The following CUEDC1 variants were observed in gnomAD, a reference collection of about 807,000 sequenced individuals.
CUEDC1 encodes CUE domain containing 1.
A neutral mutation model predicts 43.7 loss-of-function variants in CUEDC1; 30 were observed. The ratio of observed to expected loss-of-function variants is 0.69; its 90% CI spans 0.51 to 0.93. The LOEUF is 0.93. CUEDC1 is among the 40% of genes least tolerant of loss of function. CUEDC1 has a pLI of 0.00. For synonymous variants in CUEDC1, 223 were observed against 223.6 expected, an observed-to-expected ratio of 1.00 and a Z score of 0.02; for missense variants, 486 against 549.0, an observed-to-expected ratio of 0.89 and a Z score of 1.15.
intron 2 of CUEDC1, among the ~76,000 whole-genome samples, chr17:57,884,971 C>T (rs2074266760): frequency 6.6e-6 from 1 of 152,234 alleles, no homozygotes; most frequent in Admixed American, 6.5e-5. Flanking sequence ...TCTAGTGCCA[C>T]GTCTCGCACA....
intron 1 of CUEDC1, among the ~76,000 whole-genome samples, chr17:57,909,585 G>T (rs1054494126): frequency 6.6e-6 from 1 of 152,196 alleles, no homozygotes; most frequent in Non-Finnish European, 1.5e-5. Context: ...AGATCAAAGC[G>T]TTGGCTGTTT....
chr17:57,874,957 G>A (rs1365616987), intron 3 of CUEDC1, among the ~76,000 whole-genome samples: 1 of 152,150 alleles, frequency 6.6e-6, no homozygotes, highest in South Asian at 2.1e-4. Flanking sequence ...GGAGCCAAGG[G>A]AACCCCAGCA....
In CUEDC1 at chr17:57,932,281, CA is replaced by C. The variant is rs56137797; in HGVS notation, c.-316+22943del. On this transcript the variant is annotated intron_variant, in intron 1 of 10. Transcript: ENST00000577830. ...TGGGCAACAAAGTGACACTGTGTCT[CA>C]AAAAAAAAAAAAAAAAAAAAAGGCC... 1.6e-3 allele frequency among the ~76,000 whole-genome samples: 198 copies of C among 121,842 alleles called. 3 individuals are homozygous for C. Among genetic ancestry groups the C allele is most frequent in the African/African-American group, 7.9e-3 (178 of 22,402 alleles). 79.9% of individuals were successfully genotyped at this position (121,842 alleles called of 152,430 possible). A position where few individuals can be genotyped will look rare whatever the true frequency, so the allele number is the denominator to read the frequency against.
At chr17:57,937,693 G>A (rs1318999687) in intron 1 of CUEDC1, among the ~76,000 whole-genome samples, 2 of 151,630 alleles carry the variant, frequency 1.3e-5, no homozygotes, top group African/African-American at 4.8e-5. Context: ...CACTTTAGGA[G>A]ATTGGTAGGA....
chr17:57,944,393 A>G (rs547102568), intron 1 of CUEDC1, among the ~76,000 whole-genome samples: 70 of 152,108 alleles, frequency 4.6e-4, no homozygotes, highest in African/African-American at 1.5e-3. Context: ...TATTTTTAGT[A>G]GAGACAGGGT....
At chr17:57,883,400 C>T (rs529593345) in intron 2 of CUEDC1, among the ~76,000 whole-genome samples, 1 of 152,282 alleles carries the variant, frequency 6.6e-6, no homozygotes, top group East Asian at 1.9e-4. Flanking sequence ...ATAATAATGC[C>T]ACAGCACAAA....
intron 1 of CUEDC1, among the ~76,000 whole-genome samples, chr17:57,898,404 G>C (rs574911156): frequency 6.6e-6 from 1 of 152,292 alleles, no homozygotes; most frequent in South Asian, 2.1e-4. Context: ...GCCATGGAGC[G>C]AGTGGTCAGG....
rs1424162720 is a variant in CUEDC1, at chr17:57,930,704, C to T, written c.-316+24521G>A. Among the ~76,000 whole-genome samples the T allele has an allele frequency of 2.0e-5, 3 of 152,178 alleles. No individual in the cohort carries two copies. Among genetic ancestry groups the T allele is most frequent in the Admixed American group, 2.0e-4 (3 of 15,282 alleles). On this transcript the variant is annotated intron_variant, in intron 1 of 10. Coordinates refer to ENST00000577830, the MANE Select transcript of CUEDC1 (RefSeq NM_001271875.2). The surrounding 1 kb of genome is among the most constrained non-coding windows in gnomAD (Gnocchi z 4.2). ...CTTCTTAAAAAGAAGATATCCACAT[C>T]TATCGTGAAAGCTGAGAAATCTAAG...
chr17:57,946,556 T>C (rs2074961406), intron 1 of CUEDC1, among the ~76,000 whole-genome samples: 1 of 152,162 alleles, frequency 6.6e-6, no homozygotes, highest in Non-Finnish European at 1.5e-5. Flanking sequence ...ATTTGACTTT[T>C]TTTTTTTTAA....
At chr17:57,928,441 C>T (rs142760116) in intron 1 of CUEDC1, among the ~76,000 whole-genome samples, 7,620 of 149,024 alleles carry the variant, frequency 0.051, 285 homozygotes, top group Admixed American at 0.12. Flanking sequence ...CCCAGCTACT[C>T]GGGAGGCTGA....
At chr17:57,928,579 T>C (rs537547384) in intron 1 of CUEDC1, among the ~76,000 whole-genome samples, 1 of 146,440 alleles carries the variant, frequency 6.8e-6, no homozygotes, top group Non-Finnish European at 1.5e-5. Flanking sequence ...CTAGGGCTAA[T>C]AAGGTAACAA....
At chr17:57,947,717 T>G (rs1452812671) in intron 1 of CUEDC1, among the ~76,000 whole-genome samples, 2 of 152,002 alleles carry the variant, frequency 1.3e-5, no homozygotes, top group African/African-American at 4.8e-5. Flanking sequence ...ACAAGAATCA[T>G]TTGAAACTGG....
At chr17:57,864,000 C>CAAAAAAAAAAAAAA (rs71365846) in intron 10 of CUEDC1, among the ~76,000 whole-genome samples, 1 of 82,568 alleles carries the variant, frequency 1.2e-5, no homozygotes, top group Non-Finnish European at 2.2e-5. Flanking sequence ...GACTCCATCT[C>CAAAAAAAAAAAAAA]AAAAAAAAAA....
In CUEDC1 at chr17:57,872,675, C is replaced by T. The variant is rs776529225; in HGVS notation, c.772G>A (p.Ala258Thr). The T allele has an allele frequency of 7.4e-6, 12 of 1,613,876 alleles. No homozygotes were observed. The highest frequency in any genetic ancestry group is 3.3e-5 in the Admixed American group (2 of 60,008). The change falls in exon 5 of 11, where the codon GCT (alanine) becomes ACT (threonine). Residue 258 changes from alanine (A) to threonine (T), a missense_variant. Ala to Thr is a moderately conservative substitution (Grantham distance 58). Coordinates refer to ENST00000577830, the MANE Select transcript of CUEDC1 (RefSeq NM_001271875.2). ...ELQRNRDFLLALERDRLKYES... is the reference protein window; with the variant it reads ...ELQRNRDFLLTLERDRLKYES... ...AGGCGCTGCCCACCTCTCTCCAGAG[C>T]GAGGAGGAAGTCGCGGTTCCGTTGC...
intron 6 of CUEDC1, among the ~76,000 whole-genome samples, chr17:57,870,107 C>G (rs1039236873): frequency 6.6e-6 from 1 of 152,228 alleles, no homozygotes; most frequent in Non-Finnish European, 1.5e-5. Flanking sequence ...CTCTGCTCCT[C>G]CACCCCCAAC....
chr17:57,907,002 G>T (rs1397863765), intron 1 of CUEDC1, among the ~76,000 whole-genome samples: 1 of 149,728 alleles, frequency 6.7e-6, no homozygotes, highest in East Asian at 2.0e-4. Context: ...AAGACACCAT[G>T]AATCACCATC....
chr17:57,936,702 CCT>C (rs1415423571), intron 1 of CUEDC1, among the ~76,000 whole-genome samples: 4 of 152,090 alleles, frequency 2.6e-5, no homozygotes, highest in Non-Finnish European at 4.4e-5. Flanking sequence ...CTCAGATCCA[CCT>C]CTGTCAGCAG....
At chr17:57,949,289 C>A (rs1000394253) in intron 1 of CUEDC1, among the ~76,000 whole-genome samples, 5 of 152,204 alleles carry the variant, frequency 3.3e-5, no homozygotes, top group Admixed American at 2.0e-4. Context: ...TCCAGGCTAA[C>A]ATGTTTGTCT....
intron 1 of CUEDC1, among the ~76,000 whole-genome samples, chr17:57,888,595 C>T (rs1422009388): frequency 6.6e-6 from 1 of 152,248 alleles, no homozygotes; most frequent in Admixed American, 6.5e-5. Context: ...AACACCCCTA[C>T]ACCCACATCT....
Sources: allele counts gnomAD v4.1 joint callset (sites outside exome capture counted in the v4.1 genomes callset), GRCh38; gene constraint gnomAD v4.1.1; non-coding constraint Gnocchi (gnomAD v3.1); transcripts MANE v1.5; gene names NCBI Gene and HGNC (gene_info 2026-07-23, HGNC 2026-07-21).